The following FDFT1 variants were observed in gnomAD, a reference collection of about 807,000 sequenced individuals.
The protein encoded by FDFT1 is squalene synthase.
FDFT1 carries 68 observed loss-of-function variants against 46.8 expected under a neutral mutation model. The observed-to-expected ratio is 1.45, with a 90% CI of 1.19 to 1.78. The LOEUF is 1.78. FDFT1 is among the 40% of genes most tolerant of loss of function. FDFT1 has a pLI of 0.00. For synonymous variants in FDFT1, 351 were observed against 185.1 expected, an observed-to-expected ratio of 1.90 and a Z score of -7.28; for missense variants, 928 against 524.4, an observed-to-expected ratio of 1.77 and a Z score of -7.52.
intron 3 of FDFT1, among the ~76,000 whole-genome samples, chr8:11,810,528 T>C (rs555439369): frequency 1.1e-4 from 17 of 152,334 alleles, no homozygotes; most frequent in African/African-American, 3.8e-4. Flanking sequence ...ACATATAAAG[T>C]ACTTAGTGCC....
chr8:11,805,350 T>C (rs1210025567), intron 1 of FDFT1, among the ~76,000 whole-genome samples: 1 of 152,206 alleles, frequency 6.6e-6, no homozygotes, highest in East Asian at 1.9e-4. Context: ...TTTAGGTGCA[T>C]ATCAGTAAAT....
In FDFT1 at chr8:11,808,340, G is replaced by A. The variant is rs988379656; in HGVS notation, c.100-454G>A. 3.2e-6 allele frequency: 4 copies of A among 1,233,954 alleles called. No homozygotes were observed. The African/African-American group carries it at 4.7e-5, about 14-fold the overall frequency. 76.4% of individuals were successfully genotyped at this position (1,233,954 alleles called of 1,614,324 possible). A position where few individuals can be genotyped will look rare whatever the true frequency, so the allele number is the denominator to read the frequency against. On this transcript the variant is annotated intron_variant, in intron 1 of 7. Transcript: ENST00000220584. ...CTGGTGAGAAGGGCAACAGCGGGAG[G>A]AGGCGCCGGTGCGGAGCGGGAGGCC...
upstream of FDFT1, chr8:11,801,553 C>T (rs1042174887): frequency 2.3e-5 from 4 of 176,724 alleles, no homozygotes; most frequent in African/African-American, 4.8e-5. Context: ...CTCCAGACCT[C>T]AGGTGATCCG....
Position 11,830,133 on chromosome 8 carries a change from A to T in FDFT1, c.703-111A>T, listed in dbSNP as rs536600153. 6.6e-6 allele frequency: 6 copies of T among 912,776 alleles called. No individual in the cohort carries two copies. In the African/African-American group the frequency reaches 9.9e-5, roughly 15 times the overall value. 56.5% of individuals were successfully genotyped at this position (912,776 alleles called of 1,614,324 possible). A position where few individuals can be genotyped will look rare whatever the true frequency, so the allele number is the denominator to read the frequency against. ...AGTGCTGGGATTACAGGCGTGAGCCACGGCGCCCAGCCTGTATCATAGTTC... is the reference window on the plus strand; with the variant it reads ...AGTGCTGGGATTACAGGCGTGAGCCTCGGCGCCCAGCCTGTATCATAGTTC... On this transcript the variant is annotated intron_variant, in intron 5 of 7. Coordinates refer to ENST00000220584, the MANE Select transcript of FDFT1 (RefSeq NM_004462.5).
chr8:11,823,384 T>G (rs899526513), intron 4 of FDFT1, among the ~76,000 whole-genome samples: 2 of 152,248 alleles, frequency 1.3e-5, no homozygotes, highest in Non-Finnish European at 2.9e-5. Context: ...ATACTAATTT[T>G]TTTTTAAATT....
At chr8:11,831,904 G>A in intron 7 of FDFT1, 1 of 421,618 alleles carries the variant, frequency 2.4e-6, no homozygotes, top group Non-Finnish European at 4.2e-6. Flanking sequence ...AAGGCTGTAG[G>A]TTGGAGCCCC....
rs913025371 is a variant in FDFT1, at chr8:11,808,700, C to A, written c.100-94C>A. 1.3e-5 allele frequency: 19 copies of A among 1,499,592 alleles called. No individual in the cohort carries two copies. The Admixed American group carries it at 4.0e-4, about 32-fold the overall frequency. The allele number at this position is 1,499,592 out of a possible 1,614,324, so 92.9% of individuals were successfully genotyped here. A position where few individuals can be genotyped will look rare whatever the true frequency, so the allele number is the denominator to read the frequency against. The stretch of plus-strand genomic sequence containing the variant: ...GAGAGGGCGGCAGGCTGTGGAGCCG[C>A]CTGCCCCAGTCCCACTCCCACTCCC... On this transcript the variant is annotated intron_variant, in intron 1 of 7. Transcript: ENST00000220584.
intron 1 of FDFT1, chr8:11,808,274 C>T (rs1004093906): frequency 4.9e-6 from 6 of 1,217,950 alleles, no homozygotes; most frequent in East Asian, 3.3e-5. Flanking sequence ...ACGAGCGAGC[C>T]GCTCGGAAGT....
chr8:11,808,462 C>A, intron 1 of FDFT1: 1 of 1,269,678 alleles, frequency 7.9e-7, no homozygotes, highest in South Asian at 3.1e-5. Flanking sequence ...TCGTCGGGCG[C>A]TTCCCAGATC....
intron 1 of FDFT1, among the ~76,000 whole-genome samples, chr8:11,797,037 G>A (rs1290308170): frequency 6.6e-6 from 1 of 152,214 alleles, no homozygotes; most frequent in East Asian, 1.9e-4. Flanking sequence ...GTAGGAAAAG[G>A]GTAGTAACTT....
intron 1 of FDFT1, 23 bp from the exon 2 acceptor site, chr8:11,808,771 C>T: frequency 6.2e-7 from 1 of 1,612,144 alleles, no homozygotes; most frequent in African/African-American, 1.3e-5. Flanking sequence ...TCTCCCACCG[C>T]CGTGTGTGTT....
chr8:11,827,828 C>T (rs1810212394), intron 5 of FDFT1, among the ~76,000 whole-genome samples: 1 of 151,886 alleles, frequency 6.6e-6, no homozygotes, highest in Non-Finnish European at 1.5e-5. Flanking sequence ...ATCACTGAAG[C>T]CAGGATATCG....
At chr8:11,802,040 C>T (rs192805731), upstream of FDFT1, 173 of 455,946 alleles carry the variant, frequency 3.8e-4, no homozygotes, top group African/African-American at 3.2e-3. Context: ...GAGAAGTTTC[C>T]ACATTCCTGT....
In FDFT1 at chr8:11,821,100, A is replaced by G. The variant is rs553627060; in HGVS notation, c.382-650A>G. ...TAGGAAGTGCTTGATCCATGTTTGC[A>G]CAAATGAATCTTTCTCATAATGAGG... On this transcript the variant is annotated intron_variant, in intron 3 of 7. Transcript: ENST00000220584. Among the ~76,000 whole-genome samples the G allele has an allele frequency of 8.5e-5, 13 of 152,332 alleles. No individual in the cohort carries two copies. The East Asian group carries it at 1.7e-3, about 20-fold the overall frequency.
At chr8:11,829,360 A>C (rs1007808586) in intron 5 of FDFT1, among the ~76,000 whole-genome samples, 2 of 152,200 alleles carry the variant, frequency 1.3e-5, no homozygotes, top group Non-Finnish European at 2.9e-5. Flanking sequence ...AAAAATCATC[A>C]AGCCGAATCC....
intron 2 of FDFT1, chr8:11,809,103 G>A (rs531078211): frequency 1.6e-6 from 2 of 1,282,024 alleles, no homozygotes; most frequent in Non-Finnish European, 2.0e-6. Flanking sequence ...GCCTTTCAGA[G>A]AAGAGGGGGG....
Position 11,830,854 on chromosome 8 carries a change from T to C in FDFT1, c.879+434T>C, listed in dbSNP as rs111703350. Among the ~76,000 whole-genome samples, 87 of 152,362 alleles carry C rather than the reference T, an allele frequency of 5.7e-4. 1 individual carries two copies. The highest frequency in any genetic ancestry group is 2.0e-3 in the African/African-American group (85 of 41,592). ...GTCCGGTAGACCTAGCCTCTCAGTA[T>C]GCTAGGAACTTACACTTTTTAGTTG... On this transcript the variant is annotated intron_variant, in intron 6 of 7. Coordinates refer to ENST00000220584, the MANE Select transcript of FDFT1 (RefSeq NM_004462.5).
At chr8:11,807,879 C>T (rs908221143) in intron 1 of FDFT1, 1 of 152,250 alleles carries the variant, frequency 6.6e-6, no homozygotes, top group African/African-American at 2.4e-5. Context: ...AGAAAAACTA[C>T]TGCAGTAAGA....
intron 3 of FDFT1, among the ~76,000 whole-genome samples, chr8:11,810,403 T>C (rs529118489): frequency 6.6e-6 from 1 of 152,318 alleles, no homozygotes; most frequent in East Asian, 1.9e-4. Flanking sequence ...GCGGTGTCTG[T>C]TGGCAGCTAG....
Sources: allele counts gnomAD v4.1 joint callset (sites outside exome capture counted in the v4.1 genomes callset), GRCh38; gene constraint gnomAD v4.1.1; transcripts MANE v1.5; gene names NCBI Gene and HGNC (gene_info 2026-07-23, HGNC 2026-07-21).